ENTREP2: variants seen among roughly 807,000 people sequenced by gnomAD.
ENTREP2 encodes the protein endosomal transmembrane epsin interactor 2.
the ENTREP2 span, chr15:29,269,921 A>T: frequency 2.0e-6 from 1 of 498,062 alleles, no homozygotes; most frequent in Non-Finnish European, 3.5e-6. Context: ...TTTTCCGTGC[A>T]GCCCTGCAGG....
At chr15:29,294,122 AC>A in the ENTREP2 span, among the ~76,000 whole-genome samples, 1 of 152,166 alleles carries the variant, frequency 6.6e-6, no homozygotes, top group Non-Finnish European at 1.5e-5. Flanking sequence ...GACAGTCAAC[AC>A]AAGGAGACTT....
the ENTREP2 span, among the ~76,000 whole-genome samples, chr15:29,597,659 T>A: frequency 6.6e-6 from 1 of 152,094 alleles, no homozygotes; most frequent in African/African-American, 2.4e-5. Context: ...GAATGTACCA[T>A]AGTTTGTTCA....
the ENTREP2 span, among the ~76,000 whole-genome samples, chr15:29,482,666 A>G: frequency 6.6e-6 from 1 of 152,168 alleles, no homozygotes; most frequent in Non-Finnish European, 1.5e-5. Context: ...TCATAGCTTG[A>G]TAGCTCATTT....
chr15:29,204,030 T>C, the ENTREP2 span, among the ~76,000 whole-genome samples: 1 of 152,204 alleles, frequency 6.6e-6, no homozygotes, highest in Non-Finnish European at 1.5e-5. Context: ...ATAAATCTTT[T>C]CCATCAGTTA....
chr15:29,302,171 G>A, the ENTREP2 span, among the ~76,000 whole-genome samples: 11 of 151,930 alleles, frequency 7.2e-5, no homozygotes, highest in East Asian at 1.9e-4. Context: ...TATGACAGTC[G>A]AGTGGAAGCT....
the ENTREP2 span, among the ~76,000 whole-genome samples, chr15:29,357,669 C>T: frequency 6.6e-6 from 1 of 151,916 alleles, no homozygotes; most frequent in African/African-American, 2.4e-5. Flanking sequence ...AACCTCGTCT[C>T]TACTAAAAAA....
the ENTREP2 span, among the ~76,000 whole-genome samples, chr15:29,489,845 C>A: frequency 4.6e-5 from 7 of 152,198 alleles, no homozygotes; most frequent in Non-Finnish European, 1.0e-4. Flanking sequence ...GCAGTTCTTC[C>A]AACTAGGCTG....
chr15:29,395,535 T>C, the ENTREP2 span, among the ~76,000 whole-genome samples: 143 of 16,792 alleles, frequency 8.5e-3, no homozygotes, highest in Non-Finnish European at 0.028. Context: ...TTTTTCTTTC[T>C]TTTTTTTTTT....
At chr15:29,379,619 C>T in the ENTREP2 span, among the ~76,000 whole-genome samples, 2 of 152,130 alleles carry the variant, frequency 1.3e-5, no homozygotes, top group African/African-American at 4.8e-5. Flanking sequence ...CATCCCCCCA[C>T]TGGGATGAGT....
chr15:29,205,377 T>C, the ENTREP2 span, among the ~76,000 whole-genome samples: 2 of 152,344 alleles, frequency 1.3e-5, no homozygotes, highest in South Asian at 4.1e-4. Context: ...CTCTGTTTAA[T>C]GATTTAAGAA....
chr15:29,521,909 G>A, the ENTREP2 span, among the ~76,000 whole-genome samples: 1 of 152,064 alleles, frequency 6.6e-6, no homozygotes, highest in Non-Finnish European at 1.5e-5. Flanking sequence ...AGACAGTGTG[G>A]TGTTGGCATC....
chr15:29,458,803 G>A, the ENTREP2 span, among the ~76,000 whole-genome samples: 8 of 152,182 alleles, frequency 5.3e-5, no homozygotes, highest in South Asian at 2.1e-4. Flanking sequence ...AGCAGAATAC[G>A]TCTCCTCTGA....
the ENTREP2 span, among the ~76,000 whole-genome samples, chr15:29,563,752 G>A: frequency 5.1e-3 from 783 of 152,078 alleles, 40 homozygotes; most frequent in East Asian, 0.13. Context: ...CAGGAGAATC[G>A]CTTGAACCCG....
the ENTREP2 span, among the ~76,000 whole-genome samples, chr15:29,603,827 T>C: frequency 6.6e-6 from 1 of 152,042 alleles, no homozygotes; most frequent in African/African-American, 2.4e-5. Flanking sequence ...TTAGGAGAGA[T>C]GGGGTTTCAC....
At chr15:29,385,129 C>T in the ENTREP2 span, among the ~76,000 whole-genome samples, 826 of 152,264 alleles carry the variant, frequency 5.4e-3, 11 homozygotes, top group African/African-American at 0.019. Context: ...AGATTGAACG[C>T]CTTGACCTCT....
chr15:29,636,000 G>A, the ENTREP2 span, among the ~76,000 whole-genome samples: 3 of 152,122 alleles, frequency 2.0e-5, no homozygotes, highest in Non-Finnish European at 2.9e-5. Context: ...TTCTCATGGC[G>A]AGCCAAATCC....
chr15:29,471,531 C>G, the ENTREP2 span, among the ~76,000 whole-genome samples: 68,788 of 151,874 alleles, frequency 0.45, 17,202 homozygotes, highest in African/African-American at 0.68. Flanking sequence ...TACAAAGTGG[C>G]AGGAAGGGCT....
At chr15:29,461,705 C>A in the ENTREP2 span, among the ~76,000 whole-genome samples, 1 of 152,102 alleles carries the variant, frequency 6.6e-6, no homozygotes, top group Non-Finnish European at 1.5e-5. Flanking sequence ...GAACTCTCGA[C>A]CTTGTGATCC....
At chr15:29,404,490 G>A in the ENTREP2 span, among the ~76,000 whole-genome samples, 1 of 151,944 alleles carries the variant, frequency 6.6e-6, no homozygotes, top group African/African-American at 2.4e-5. Flanking sequence ...TCAGCACCCA[G>A]CAGGCTGACA....
Sources: allele counts gnomAD v4.1 joint callset (sites outside exome capture counted in the v4.1 genomes callset), GRCh38; gene constraint gnomAD v4.1.1; transcripts MANE v1.5; gene names NCBI Gene and HGNC (gene_info 2026-07-23, HGNC 2026-07-21).